Variants in ARHGAP10 observed in about 807,000 individuals in gnomAD.
ARHGAP10 encodes the protein rho GTPase-activating protein 10.
In ARHGAP10, 87 loss-of-function variants were observed where a neutral mutation model predicts 108.6. The ratio of observed to expected loss-of-function variants is 0.80; its 90% CI spans 0.67 to 0.96. The LOEUF is 0.96. ARHGAP10 is among the 40% of genes least tolerant of loss of function. The pLI is 0.00. For missense variants in ARHGAP10, 939 were observed against 954.5 expected (o/e 0.98, Z 0.21); for synonymous variants, 347 against 341.1 (o/e 1.02, Z -0.19).
chr4:147,766,796 TCA>T (rs1729837539), intron 1 of ARHGAP10, among the ~76,000 whole-genome samples: 1 of 115,612 alleles, frequency 8.6e-6, no homozygotes, highest in Non-Finnish European at 1.6e-5. Context: ...ATACATATAT[TCA>T]CATATATATA....
At chr4:147,855,465 G>A (rs944902319) in intron 4 of ARHGAP10, among the ~76,000 whole-genome samples, 2 of 152,032 alleles carry the variant, frequency 1.3e-5, no homozygotes, top group Non-Finnish European at 2.9e-5. Context: ...AAAACCTAGA[G>A]CGTAAAGAAA....
intron 12 of ARHGAP10, among the ~76,000 whole-genome samples, chr4:147,911,566 G>C (rs1275193011): frequency 6.6e-6 from 1 of 152,158 alleles, no homozygotes; most frequent in African/African-American, 2.4e-5. Context: ...GTTTCACCGT[G>C]TTAGCCAGGA....
intron 1 of ARHGAP10, among the ~76,000 whole-genome samples, chr4:147,803,978 G>A (rs1731678852): frequency 6.6e-6 from 1 of 151,446 alleles, no homozygotes; most frequent in South Asian, 2.1e-4. Context: ...TGGATCATAT[G>A]GTAGTTGTAT....
intron 19 of ARHGAP10, 80 bp from the exon 20 acceptor site, chr4:148,046,812 A>AC (rs2149680160): frequency 1.5e-6 from 2 of 1,368,862 alleles, no homozygotes. Flanking sequence ...TTGACTAATC[A>AC]AGTAACACCA....
intron 3 of ARHGAP10, among the ~76,000 whole-genome samples, chr4:147,825,790 C>G (rs72724337): frequency 0.016 from 2,417 of 152,152 alleles, 27 homozygotes; most frequent in Non-Finnish European, 0.025. Flanking sequence ...TTTTCTTAAC[C>G]CTCTTTGATA....
At chr4:147,992,355 T>G (rs553014894) in intron 18 of ARHGAP10, among the ~76,000 whole-genome samples, 1 of 152,254 alleles carries the variant, frequency 6.6e-6, no homozygotes, top group East Asian at 1.9e-4. Context: ...CCAGATCTGC[T>G]CCCTCTATTT....
intron 18 of ARHGAP10, among the ~76,000 whole-genome samples, chr4:147,996,743 T>C (rs1472321452): frequency 6.6e-6 from 1 of 152,214 alleles, no homozygotes; most frequent in Non-Finnish European, 1.5e-5. Flanking sequence ...TAACTGTATT[T>C]GAAGGCAGGG....
At chr4:147,945,960 C>T (rs1251358411) in intron 14 of ARHGAP10, among the ~76,000 whole-genome samples, 1 of 152,148 alleles carries the variant, frequency 6.6e-6, no homozygotes, top group Non-Finnish European at 1.5e-5. Flanking sequence ...TCTGGCTCCT[C>T]CTTTGCATAA....
intron 13 of ARHGAP10, among the ~76,000 whole-genome samples, chr4:147,926,999 A>AAC (rs1226591522): frequency 6.6e-6 from 1 of 152,182 alleles, no homozygotes; most frequent in East Asian, 1.9e-4. Context: ...GAAGTGAAGA[A>AAC]ACGTGATTTG....
At chr4:147,857,246 C>T (rs1344252229) in intron 4 of ARHGAP10, among the ~76,000 whole-genome samples, 2 of 152,038 alleles carry the variant, frequency 1.3e-5, no homozygotes, top group South Asian at 2.1e-4. Context: ...TTGTTTCATT[C>T]GGTTGGTGAG....
intron 1 of ARHGAP10, among the ~76,000 whole-genome samples, chr4:147,787,470 G>A (rs191037061): frequency 2.0e-5 from 3 of 152,114 alleles, no homozygotes; most frequent in East Asian, 3.9e-4. Context: ...GAGGAGGCTC[G>A]CAAATGTGTT....
chr4:147,997,594 C>T (rs933908362), intron 18 of ARHGAP10, among the ~76,000 whole-genome samples: 1 of 152,140 alleles, frequency 6.6e-6, no homozygotes, highest in Non-Finnish European at 1.5e-5. Context: ...GATGGCCCAT[C>T]AGAAGGCATC....
chr4:148,015,877 G>A (rs1741326332), intron 18 of ARHGAP10, among the ~76,000 whole-genome samples: 1 of 152,194 alleles, frequency 6.6e-6, no homozygotes, highest in Non-Finnish European at 1.5e-5. Context: ...AGCCTGCGTT[G>A]ATTTCTAGCT....
chr4:147,842,956 A>G (rs1733475230), intron 3 of ARHGAP10, among the ~76,000 whole-genome samples: 1 of 152,188 alleles, frequency 6.6e-6, no homozygotes. Flanking sequence ...CTCATTTGTA[A>G]TGATTCTTTC....
chr4:148,017,559 G>C (rs901981287), intron 18 of ARHGAP10, among the ~76,000 whole-genome samples: 2 of 150,970 alleles, frequency 1.3e-5, no homozygotes, highest in Non-Finnish European at 2.9e-5. Flanking sequence ...ACTTTGGGGA[G>C]AGCAGAGAGA....
At chr4:147,833,087 A>G (rs546885359) in intron 3 of ARHGAP10, among the ~76,000 whole-genome samples, 1 of 152,224 alleles carries the variant, frequency 6.6e-6, no homozygotes, top group Admixed American at 6.5e-5. Context: ...GGATACAAGA[A>G]TGGAGCTCCT....
At chr4:147,927,855 G>A (rs1737522796) in intron 13 of ARHGAP10, among the ~76,000 whole-genome samples, 1 of 152,218 alleles carries the variant, frequency 6.6e-6, no homozygotes, top group African/African-American at 2.4e-5. Context: ...GCCAGTGCCT[G>A]TATTAGATAC....
chr4:148,072,230 G>A lies in ARHGAP10; in HGVS notation c.*149G>A. On this transcript the variant is annotated 3_prime_UTR_variant, in exon 23 of 23. Coordinates refer to ENST00000336498, the MANE Select transcript of ARHGAP10 (RefSeq NM_024605.4). ...TCATCACAGTCAGCCCTGGGGGTGG[G>A]GGGTGGTGGGCAGGGATGGGACGCA... 4 of 538,156 alleles carry A rather than the reference G, an allele frequency of 7.4e-6. 1 individual carries two copies. Among genetic ancestry groups the A allele is most frequent in the Non-Finnish European group, 1.3e-5 (4 of 313,138 alleles). 33.3% of individuals were successfully genotyped at this position (538,156 alleles called of 1,614,324 possible).
intron 16 of ARHGAP10, among the ~76,000 whole-genome samples, chr4:147,964,657 T>C (rs932430396): frequency 3.3e-5 from 5 of 152,214 alleles, no homozygotes; most frequent in Admixed American, 2.0e-4. Flanking sequence ...TTTACTTGCA[T>C]TCCATTGTGG....
Sources: gnomAD v4.1 joint callset for allele counts (sites outside exome capture counted in the v4.1 genomes callset) on GRCh38, gnomAD v4.1.1 for gene constraint, MANE v1.5 for transcripts, NCBI Gene and HGNC (gene_info 2026-07-23, HGNC 2026-07-21) for gene names.